Variants in TLN2 observed in about 807,000 individuals in gnomAD.
TLN2 encodes the protein talin 2.
Under a neutral mutation model 294.7 loss-of-function variants are expected in TLN2, and 118 were observed. That is an observed-to-expected ratio of 0.40 (90% CI 0.34 to 0.47). TLN2 has a LOEUF of 0.47. Ranked by LOEUF, TLN2 falls within the 20% of genes least tolerant of loss-of-function variation. The probability of loss-of-function intolerance (pLI) is 0.84; values close to 1 mark genes in which losing one functional copy is unlikely to be tolerated. For missense variants in TLN2, 3,083 were observed against 3,282.2 expected, an observed-to-expected ratio of 0.94 and a Z score of 1.48; for synonymous variants, 1,431 against 1,304.5, an observed-to-expected ratio of 1.10 and a Z score of -2.09.
chr15:62,838,257 T>A (rs757934230), intron 57 of TLN2: 1 of 152,230 alleles, frequency 6.6e-6, no homozygotes, highest in South Asian at 2.1e-4. Context: ...GCACCAACCA[T>A]GGACAGCCAC....
chr15:62,722,384 C>T lies in TLN2; in HGVS notation c.3023C>T (p.Ala1008Val). ...PGSKMVSSAK[A>V]AVPTVSDQAA... The stretch of plus-strand genomic sequence containing the variant: ...AGCAAGATGGTGTCCTCTGCCAAAG[C>T]CGCAGTGCCCACCGTGAGTGACCAG... Residue 1008 changes from alanine to valine, a missense_variant, in exon 26 of 59, where the codon GCC becomes GTC. Transcript: ENST00000636159. 2 of 1,612,934 alleles carry T rather than the reference C, an allele frequency of 1.2e-6. No individual in the cohort carries two copies. The highest frequency in any genetic ancestry group is 8.5e-7 in the Non-Finnish European group (1 of 1,179,182).
At chr15:62,808,223 C>T (rs565034104) in intron 51 of TLN2, among the ~76,000 whole-genome samples, 3 of 152,274 alleles carry the variant, frequency 2.0e-5, no homozygotes, top group East Asian at 3.9e-4. Context: ...TCTAGTCTTA[C>T]TTTCATTTGC....
chr15:62,410,752 G>T (rs2033726911), intron 1 of TLN2, among the ~76,000 whole-genome samples: 1 of 152,206 alleles, frequency 6.6e-6, no homozygotes, highest in African/African-American at 2.4e-5. Context: ...AGGTTTGGGG[G>T]ATGAATTAAA....
chr15:62,464,306 A>G (rs564523456), intron 1 of TLN2, among the ~76,000 whole-genome samples: 4 of 152,318 alleles, frequency 2.6e-5, no homozygotes, highest in Non-Finnish European at 5.9e-5. Context: ...CATCATTCTC[A>G]GCAAACTATC....
chr15:62,396,795 C>T (rs1044393611), intron 1 of TLN2, among the ~76,000 whole-genome samples: 3 of 152,080 alleles, frequency 2.0e-5, no homozygotes, highest in African/African-American at 7.2e-5. Context: ...ACCTCCACCT[C>T]CTGGGTTGAA....
intron 55 of TLN2, chr15:62,835,476 G>A (rs1428587107): frequency 7.2e-6 from 4 of 553,472 alleles, no homozygotes; most frequent in African/African-American, 5.7e-5. Flanking sequence ...CAGAATTGCA[G>A]TACCTGGAAG....
chr15:62,681,757 G>A (rs1431584563), intron 11 of TLN2, among the ~76,000 whole-genome samples: 1 of 152,108 alleles, frequency 6.6e-6, no homozygotes, highest in Non-Finnish European at 1.5e-5. Flanking sequence ...CAAATGTGGT[G>A]ACTGGAAAGT....
intron 1 of TLN2, among the ~76,000 whole-genome samples, chr15:62,392,468 G>A (rs904950748): frequency 1.3e-5 from 2 of 152,182 alleles, no homozygotes; most frequent in African/African-American, 4.8e-5. Flanking sequence ...CTGTGGCATT[G>A]TAAGGTTGCA....
intron 57 of TLN2, among the ~76,000 whole-genome samples, chr15:62,837,294 A>C (rs1204207124): frequency 6.6e-6 from 1 of 152,204 alleles, no homozygotes; most frequent in African/African-American, 2.4e-5. Flanking sequence ...GTTTGTGAAT[A>C]TGTGATTTCT....
chr15:62,644,111 C>T (rs2051515393), intron 3 of TLN2, among the ~76,000 whole-genome samples: 1 of 152,020 alleles, frequency 6.6e-6, no homozygotes, highest in Non-Finnish European at 1.5e-5. Flanking sequence ...CCCTCTCTTC[C>T]ATCTCTCTCC....
chr15:62,781,107 A>T (rs1443553557), intron 43 of TLN2, 33 bp from the exon 44 acceptor site: 1 of 1,544,256 alleles, frequency 6.5e-7, no homozygotes. Context: ...CAGGCTTCTT[A>T]TGACCTTTGG....
intron 33 of TLN2, among the ~76,000 whole-genome samples, chr15:62,748,887 G>A (rs1436045414): frequency 6.6e-6 from 1 of 152,218 alleles, no homozygotes; most frequent in Non-Finnish European, 1.5e-5. Flanking sequence ...TCTGTACCAT[G>A]TAGGGAATAT....
intron 2 of TLN2, among the ~76,000 whole-genome samples, chr15:62,604,524 TAAAAAAA>T (rs35955277): frequency 6.9e-4 from 60 of 87,322 alleles, no homozygotes; most frequent in African/African-American, 2.4e-3. Flanking sequence ...GACCTTGTCT[TAAAAAAA>T]AAAAAAAAAA....
rs764411412 is a variant in TLN2 at position 62,776,769 on chromosome 15, A to G, written c.5373A>G (p.Gln1791=). The stretch of plus-strand genomic sequence containing the variant: ...TTTCACAATTCCCTTCTCAGGCACA[A>G]CACACCCATGACGCCATCACAGAGG... ...AKEGGGNPKA[Q]HTHDAITEAA... The change falls in exon 43 of 59, where the codon CAA becomes CAG. Residue 1791 remains glutamine, a synonymous_variant. Transcript: ENST00000636159. The G allele has an allele frequency of 7.1e-6, 11 of 1,544,474 alleles. No individual in the cohort carries two copies. The highest frequency in any genetic ancestry group is 1.7e-4 in the Middle Eastern group (1 of 5,842).
intron 1 of TLN2, among the ~76,000 whole-genome samples, chr15:62,521,293 T>G (rs1596002721): frequency 1.3e-5 from 2 of 151,448 alleles, no homozygotes; most frequent in Admixed American, 6.6e-5. Flanking sequence ...GCCGTGAGGG[T>G]GGGGGGTACA....
intron 1 of TLN2, among the ~76,000 whole-genome samples, chr15:62,529,646 G>C (rs1475898165): frequency 6.6e-6 from 1 of 151,356 alleles, no homozygotes; most frequent in Non-Finnish European, 1.5e-5. Flanking sequence ...TGTCTCTCAG[G>C]TACCAGTTTC....
intron 52 of TLN2, among the ~76,000 whole-genome samples, chr15:62,816,277 G>C (rs770365726): frequency 1.4e-4 from 21 of 152,166 alleles, no homozygotes; most frequent in Non-Finnish European, 2.6e-4. Context: ...CTGTTTGCTC[G>C]TTTATCATAG....
intron 1 of TLN2, among the ~76,000 whole-genome samples, chr15:62,543,669 T>G (rs1038621626): frequency 2.0e-5 from 3 of 150,742 alleles, no homozygotes; most frequent in Non-Finnish European, 2.9e-5. Flanking sequence ...GCAGAAGAGT[T>G]GCTTGAACCC....
chr15:62,770,306 G>A (rs1237939690), intron 41 of TLN2, among the ~76,000 whole-genome samples: 3 of 152,246 alleles, frequency 2.0e-5, no homozygotes, highest in Admixed American at 6.5e-5. Context: ...GGCCCACAGC[G>A]CCCAGCTGGT....
Sources: allele counts gnomAD v4.1 joint callset (sites outside exome capture counted in the v4.1 genomes callset), GRCh38; gene constraint gnomAD v4.1.1; transcripts MANE v1.5; gene names NCBI Gene and HGNC (gene_info 2026-07-23, HGNC 2026-07-21).